The following TMTC2 variants were observed in gnomAD, a reference collection of about 807,000 sequenced individuals.
TMTC2 encodes the protein protein O-mannosyl-transferase TMTC2.
In TMTC2, 43 loss-of-function variants were observed where a neutral mutation model predicts 82.4. The ratio of observed to expected loss-of-function variants is 0.52; its 90% CI spans 0.41 to 0.67. The LOEUF is 0.67. TMTC2 is among the 30% of genes least tolerant of loss of function. TMTC2 has a pLI of 0.00. For missense variants in TMTC2, 919 were observed against 1,012.4 expected (o/e 0.91, Z 1.25); for synonymous variants, 408 against 381.9 (o/e 1.07, Z -0.80).
chr12:82,780,746 G>T (rs901609788), intron 1 of TMTC2, among the ~76,000 whole-genome samples: 2 of 151,832 alleles, frequency 1.3e-5, no homozygotes, highest in Non-Finnish European at 2.9e-5. Context: ...CTTAAAGAAG[G>T]CACGTGACAC....
intron 1 of TMTC2, among the ~76,000 whole-genome samples, chr12:82,756,382 C>T (rs576243050): frequency 1.9e-4 from 29 of 152,248 alleles, no homozygotes; most frequent in African/African-American, 7.0e-4. Context: ...AAGGGAAAAG[C>T]CTACATATAT....
intron 10 of TMTC2, among the ~76,000 whole-genome samples, chr12:83,060,420 A>G (rs1438597055): frequency 6.6e-6 from 1 of 151,664 alleles, no homozygotes. Context: ...TTCTCTTTTA[A>G]AACTTGAATA....
At chr12:82,767,670 A>G (rs1370599682) in intron 1 of TMTC2, among the ~76,000 whole-genome samples, 1 of 151,794 alleles carries the variant, frequency 6.6e-6, no homozygotes, top group Admixed American at 6.6e-5. Flanking sequence ...TTGGTTTCTC[A>G]TCTTTCTACT....
At position 82,735,490 on chromosome 12, in the gene TMTC2, C is replaced by T. The variant is rs866659870; in HGVS notation, c.83+47821C>T. Among the ~76,000 whole-genome samples the T allele has an allele frequency of 1.4e-4, 21 of 151,904 alleles. 1 individual carries two copies. Among genetic ancestry groups the T allele is most frequent in the South Asian group, 1.0e-3 (5 of 4,800 alleles). ...CCTCCCAAGTAGCTGGGACTACAGG[C>T]GCCCGCCACCACGCCCGGCTAATTT... is the stretch of plus-strand genomic sequence containing the variant. On this transcript the variant is annotated intron_variant, in intron 1 of 11. Coordinates refer to ENST00000321196, the MANE Select transcript of TMTC2 (RefSeq NM_152588.3).
At chr12:82,840,452 A>C (rs1198910774) in intron 1 of TMTC2, among the ~76,000 whole-genome samples, 1 of 152,212 alleles carries the variant, frequency 6.6e-6, no homozygotes, top group Non-Finnish European at 1.5e-5. Flanking sequence ...TTCCATTCTT[A>C]TGTTTAAATT....
At chr12:82,739,270 G>T (rs1405333219) in intron 1 of TMTC2, among the ~76,000 whole-genome samples, 1 of 152,022 alleles carries the variant, frequency 6.6e-6, no homozygotes, top group Non-Finnish European at 1.5e-5. Flanking sequence ...CAGAAAATGT[G>T]TTGGAAACTT....
intron 11 of TMTC2, among the ~76,000 whole-genome samples, chr12:83,081,764 C>T (rs768538622): frequency 9.9e-5 from 15 of 152,190 alleles, no homozygotes; most frequent in East Asian, 1.9e-4. Flanking sequence ...TTGGGCTGGG[C>T]GCAGTGGCTC....
chr12:83,045,419 G>A (rs900438213), intron 9 of TMTC2, among the ~76,000 whole-genome samples: 3 of 152,002 alleles, frequency 2.0e-5, no homozygotes, highest in Admixed American at 6.6e-5. Flanking sequence ...CGCTGTTTGT[G>A]CTTTTTTAAT....
intron 8 of TMTC2, among the ~76,000 whole-genome samples, chr12:82,987,825 G>A (rs950174951): frequency 3.3e-5 from 5 of 152,074 alleles, no homozygotes; most frequent in Non-Finnish European, 2.9e-5. Context: ...ACAAGTATAA[G>A]AAGGCAGCGT....
At chr12:82,764,360 A>T (rs1333267138) in intron 1 of TMTC2, among the ~76,000 whole-genome samples, 1 of 150,870 alleles carries the variant, frequency 6.6e-6, no homozygotes, top group East Asian at 2.0e-4. Context: ...CTTGTCTTGA[A>T]CTCCTGACCT....
chr12:82,977,754 A>G (rs549523862), intron 7 of TMTC2, among the ~76,000 whole-genome samples: 28 of 151,960 alleles, frequency 1.8e-4, no homozygotes, highest in African/African-American at 6.7e-4. Context: ...TTGAGGTTAT[A>G]ATAAGAGTTG....
intron 4 of TMTC2, among the ~76,000 whole-genome samples, chr12:82,954,041 C>G (rs577950998): frequency 6.6e-6 from 1 of 152,168 alleles, no homozygotes; most frequent in African/African-American, 2.4e-5. Flanking sequence ...AGGGAATAGC[C>G]AGACTATTTA....
chr12:82,843,400 C>A (rs111421077), intron 1 of TMTC2, among the ~76,000 whole-genome samples: 31 of 152,050 alleles, frequency 2.0e-4, no homozygotes, highest in African/African-American at 7.5e-4. Context: ...CTCTTACTTT[C>A]CAGTGTCCAC....
In TMTC2 at chr12:82,753,058, C is replaced by T. The variant is rs556130373; in HGVS notation, c.83+65389C>T. ...TTTTGAATGAGCGGCTCTCTTAAGC[C>T]AATAAGATAGAAATATATACCCTGT... On this transcript the variant is annotated intron_variant, in intron 1 of 11. Coordinates refer to ENST00000321196, the MANE Select transcript of TMTC2 (RefSeq NM_152588.3). 2.0e-5 allele frequency among the ~76,000 whole-genome samples: 3 copies of T among 152,102 alleles called. No individual in the cohort carries two copies. In the East Asian group the frequency reaches 5.8e-4, roughly 29 times the overall value.
chr12:82,829,581 A>G (rs1869640142), intron 1 of TMTC2, among the ~76,000 whole-genome samples: 2 of 152,238 alleles, frequency 1.3e-5, no homozygotes, highest in African/African-American at 4.8e-5. Flanking sequence ...CACCTCTATG[A>G]TAGATACTAG....
chr12:82,864,090 C>G (rs912224515), intron 2 of TMTC2, among the ~76,000 whole-genome samples: 3 of 152,076 alleles, frequency 2.0e-5, no homozygotes, highest in Non-Finnish European at 2.9e-5. Flanking sequence ...GAGCATTACA[C>G]AGAGGAAAAC....
intron 11 of TMTC2, among the ~76,000 whole-genome samples, chr12:83,129,407 T>C (rs145980258): frequency 2.0e-3 from 312 of 152,302 alleles, no homozygotes; most frequent in African/African-American, 7.2e-3. Context: ...TTAGAACTCA[T>C]TCATCAGAAC....
intron 1 of TMTC2, among the ~76,000 whole-genome samples, chr12:82,848,589 T>C (rs1377227691): frequency 6.6e-6 from 1 of 152,172 alleles, no homozygotes; most frequent in Non-Finnish European, 1.5e-5. Context: ...AATGAATGAA[T>C]AAAGGAATGA....
intron 2 of TMTC2, among the ~76,000 whole-genome samples, chr12:82,878,597 A>G (rs898959792): frequency 6.6e-6 from 1 of 152,216 alleles, no homozygotes; most frequent in Non-Finnish European, 1.5e-5. Context: ...AAAGATATCA[A>G]TGTAATTTAG....
Sources: allele counts gnomAD v4.1 joint callset (sites outside exome capture counted in the v4.1 genomes callset), GRCh38; gene constraint gnomAD v4.1.1; transcripts MANE v1.5; gene names NCBI Gene and HGNC (gene_info 2026-07-23, HGNC 2026-07-21).